Variants in PRRX1 observed in about 807,000 individuals in gnomAD.
The protein encoded by PRRX1 is paired mesoderm homeobox protein 1.
Under a neutral mutation model 24.0 loss-of-function variants are expected in PRRX1, and 8 were observed. The ratio of observed to expected loss-of-function variants is 0.33; its 90% CI spans 0.20 to 0.60. The LOEUF (loss-of-function observed/expected upper bound fraction) is 0.60, where lower values mean the gene tolerates loss of function less well. Among genes scored for constraint, PRRX1 ranks in the 20% least tolerant of loss-of-function variants. The pLI is 0.82. For missense variants in PRRX1, 281 were observed against 322.4 expected, an observed-to-expected ratio of 0.87 and a Z score of 0.98; for synonymous variants, 160 against 131.7, an observed-to-expected ratio of 1.22 and a Z score of -1.47.
intron 1 of PRRX1, among the ~76,000 whole-genome samples, chr1:170,672,904 C>T: frequency 6.6e-6 from 1 of 152,120 alleles, no homozygotes; most frequent in East Asian, 1.9e-4. Context: ...TTCTTTGGTA[C>T]TCTCTCTGCT....
At chr1:170,692,193 C>T (rs1403609670) in intron 1 of PRRX1, among the ~76,000 whole-genome samples, 1 of 152,008 alleles carries the variant, frequency 6.6e-6, no homozygotes, top group Non-Finnish European at 1.5e-5. Flanking sequence ...TTTACATTTC[C>T]AGGAAAAATA....
chr1:170,724,335 G>A (rs964435231), intron 2 of PRRX1, among the ~76,000 whole-genome samples: 3 of 152,090 alleles, frequency 2.0e-5, no homozygotes, highest in Non-Finnish European at 2.9e-5. Flanking sequence ...TGTTTTTGAC[G>A]TTTTCATCAT....
At chr1:170,731,054 G>A (rs1162744232) in intron 3 of PRRX1, among the ~76,000 whole-genome samples, 2 of 152,114 alleles carry the variant, frequency 1.3e-5, no homozygotes, top group Non-Finnish European at 2.9e-5. Context: ...ATAAATATAC[G>A]TATTAGAAAA....
At chr1:170,669,692 C>G (rs1234732904) in intron 1 of PRRX1, among the ~76,000 whole-genome samples, 1 of 152,074 alleles carries the variant, frequency 6.6e-6, no homozygotes, top group Non-Finnish European at 1.5e-5. Context: ...CTGGAAAACC[C>G]TCCTTGGCGG....
chr1:170,722,872 G>A (rs531476052), intron 2 of PRRX1, among the ~76,000 whole-genome samples: 1 of 152,294 alleles, frequency 6.6e-6, no homozygotes, highest in East Asian at 1.9e-4. Context: ...GAAATATCCG[G>A]TGTGAATATT....
intron 1 of PRRX1, among the ~76,000 whole-genome samples, chr1:170,692,221 T>A (rs562372094): frequency 1.1e-3 from 173 of 152,254 alleles, no homozygotes; most frequent in African/African-American, 3.8e-3. Context: ...GTATTATTAA[T>A]AACAATTGTC....
chr1:170,680,820 C>T (rs1184387465), intron 1 of PRRX1, among the ~76,000 whole-genome samples: 1 of 152,146 alleles, frequency 6.6e-6, no homozygotes, highest in Non-Finnish European at 1.5e-5. Flanking sequence ...AAATAAAATA[C>T]AATTTTCTGA....
At chr1:170,675,728 TA>T (rs34341344) in intron 1 of PRRX1, among the ~76,000 whole-genome samples, 59 of 152,166 alleles carry the variant, frequency 3.9e-4, no homozygotes, top group Non-Finnish European at 6.0e-4. Flanking sequence ...GAAGTCTATG[TA>T]AAAATTTTTC....
At chr1:170,730,702 C>T (rs919544032) in intron 3 of PRRX1, 3 of 222,690 alleles carry the variant, frequency 1.3e-5, no homozygotes, top group Admixed American at 5.2e-5. Flanking sequence ...TTTTGAATAG[C>T]GAGACTTTGT....
At chr1:170,726,438 A>C (rs770024166) in intron 3 of PRRX1, 37 bp downstream of exon 3, 2 of 1,600,642 alleles carry the variant, frequency 1.2e-6, no homozygotes, top group Non-Finnish European at 1.7e-6. Context: ...CTCCACTTCC[A>C]CATGTTTCTC....
At position 170,694,214 on chromosome 1, in the gene PRRX1, C is replaced by A. The variant is rs181568953; in HGVS notation, c.242-25512C>A. 2.0e-3 allele frequency among the ~76,000 whole-genome samples: 304 copies of A among 152,158 alleles called. 2 individuals carry two copies. The highest frequency in any genetic ancestry group is 6.8e-3 in the African/African-American group (284 of 41,514). On this transcript the variant is annotated intron_variant, in intron 1 of 3. Coordinates refer to ENST00000239461, the MANE Select transcript of PRRX1 (RefSeq NM_022716.4). ...ATGAAACACGGTAGAAAGGTTTGATCAATTTTTTAAAATGAATTTAGGAAA... is the reference window on the plus strand; with the variant it reads ...ATGAAACACGGTAGAAAGGTTTGATAAATTTTTTAAAATGAATTTAGGAAA...
intron 1 of PRRX1, among the ~76,000 whole-genome samples, chr1:170,701,724 T>G (rs1435957248): frequency 6.6e-6 from 1 of 152,184 alleles, no homozygotes; most frequent in Non-Finnish European, 1.5e-5. Flanking sequence ...TATTATTATT[T>G]TTAATTGACA....
At chr1:170,712,797 G>A (rs898630787) in intron 1 of PRRX1, among the ~76,000 whole-genome samples, 1 of 152,166 alleles carries the variant, frequency 6.6e-6, no homozygotes, top group African/African-American at 2.4e-5. Context: ...GAGAACAAAG[G>A]TTGTTCTTAT....
chr1:170,706,927 A>G (rs988958971), intron 1 of PRRX1, among the ~76,000 whole-genome samples: 1 of 152,018 alleles, frequency 6.6e-6, no homozygotes, highest in African/African-American at 2.4e-5. Context: ...CCAGGAGTTC[A>G]AGACTAGTCT....
intron 1 of PRRX1, among the ~76,000 whole-genome samples, chr1:170,686,334 G>A (rs1374529086): frequency 1.3e-5 from 2 of 152,178 alleles, no homozygotes; most frequent in Non-Finnish European, 1.5e-5. Flanking sequence ...TCATAAGCGA[G>A]CTTTTCTTTA....
At chr1:170,734,223 ATTT>A (rs11300488) in intron 3 of PRRX1, among the ~76,000 whole-genome samples, 6,407 of 144,354 alleles carry the variant, frequency 0.044, 449 homozygotes, top group African/African-American at 0.15. Flanking sequence ...TATTGGTAAG[ATTT>A]TTTTTTTTTT....
At chr1:170,735,907 A>G in intron 3 of PRRX1, 141 bp from the exon 4 acceptor site, 1 of 1,128,946 alleles carries the variant, frequency 8.9e-7, no homozygotes, top group African/African-American at 1.5e-5. Context: ...CTGGGGCTGT[A>G]AGGGACCCTA....
At chr1:170,698,140 A>G (rs1223650463) in intron 1 of PRRX1, among the ~76,000 whole-genome samples, 1 of 152,132 alleles carries the variant, frequency 6.6e-6, no homozygotes, top group Non-Finnish European at 1.5e-5. Flanking sequence ...ATAGCCAACA[A>G]AAACAAAAAT....
At chr1:170,700,853 C>A (rs1452631316) in intron 1 of PRRX1, among the ~76,000 whole-genome samples, 1 of 152,090 alleles carries the variant, frequency 6.6e-6, no homozygotes, top group Non-Finnish European at 1.5e-5. Flanking sequence ...CCCACTACGG[C>A]TTCATCTTCT....
Sources: gnomAD v4.1 joint callset for allele counts (sites outside exome capture counted in the v4.1 genomes callset) on GRCh38, gnomAD v4.1.1 for gene constraint, MANE v1.5 for transcripts, NCBI Gene and HGNC (gene_info 2026-07-23, HGNC 2026-07-21) for gene names.